CMIP: variants seen among roughly 807,000 people sequenced by gnomAD.
CMIP encodes C-Maf-inducing protein.
In CMIP, 13 loss-of-function variants were observed where a neutral mutation model predicts 97.3. That is an observed-to-expected ratio of 0.13 (90% CI 0.09 to 0.21). The LOEUF is 0.21. CMIP is among the 10% of genes least tolerant of loss of function. CMIP has a pLI of 1.00. For missense variants in CMIP, 847 were observed against 1,024.9 expected (o/e 0.83, Z 2.37); for synonymous variants, 538 against 436.3 (o/e 1.23, Z -2.91).
chr16:81,704,180 A>G, intron 18 of CMIP, 95 bp downstream of exon 18: 1 of 888,704 alleles, frequency 1.1e-6, no homozygotes, highest in Non-Finnish European at 1.6e-6. Context: ...CTTTCCCCTC[A>G]GCCTCCTCCC....
intron 6 of CMIP, among the ~76,000 whole-genome samples, chr16:81,663,450 A>G (rs532164770): frequency 2.6e-5 from 4 of 152,290 alleles, no homozygotes; most frequent in Admixed American, 1.3e-4. Flanking sequence ...GAGAAAGTAA[A>G]ATGATCGGTG....
At chr16:81,561,307 A>C (rs1460444727) in intron 1 of CMIP, among the ~76,000 whole-genome samples, 2 of 152,222 alleles carry the variant, frequency 1.3e-5, no homozygotes, top group Non-Finnish European at 2.9e-5. Flanking sequence ...TTAGAGAAAG[A>C]GGGCAGAGGG....
intron 3 of CMIP, among the ~76,000 whole-genome samples, chr16:81,626,281 CTGTG>C (rs528161376): frequency 3.3e-5 from 5 of 151,520 alleles, no homozygotes; most frequent in African/African-American, 1.2e-4. Flanking sequence ...CTGAGTGTGA[CTGTG>C]TGTTGTGTGG....
At chr16:81,680,273 G>A (rs1555549621) in intron 10 of CMIP, among the ~76,000 whole-genome samples, 1 of 152,242 alleles carries the variant, frequency 6.6e-6, no homozygotes, top group Non-Finnish European at 1.5e-5. Flanking sequence ...TGTATGTGTT[G>A]TGTTGCTCCT....
In CMIP at chr16:81,506,315, A is replaced by G. The variant is rs1343119271; in HGVS notation, c.300+60774A>G. Among the ~76,000 whole-genome samples, 4 of 152,184 alleles carry G rather than the reference A, an allele frequency of 2.6e-5. No individual in the cohort carries two copies. The South Asian group carries it at 6.2e-4, about 24-fold the overall frequency. ...TTTGGGGTCTGAGAAGACAGTAATG[A>G]GCAAGGGCCCCCAGAGAAGTTTTCT... On this transcript the variant is annotated intron_variant, in intron 1 of 20. Transcript: ENST00000537098.
chr16:81,563,971 C>T (rs969936021), intron 1 of CMIP, among the ~76,000 whole-genome samples: 2 of 152,258 alleles, frequency 1.3e-5, no homozygotes. Context: ...GGCCCGTCTT[C>T]CTGGGCTAGA....
chr16:81,568,147 G>A (rs1310252592), intron 1 of CMIP, among the ~76,000 whole-genome samples: 1 of 151,314 alleles, frequency 6.6e-6, no homozygotes, highest in Non-Finnish European at 1.5e-5. Context: ...TGCCTTCTAG[G>A]GCACCTTTGA....
Position 81,691,810 on chromosome 16 carries a change from G to T in CMIP, c.1424G>T (p.Ser475Ile). The T allele has an allele frequency of 6.2e-7, 1 of 1,613,920 alleles. No individual in the cohort carries two copies. The highest frequency in any genetic ancestry group is 2.2e-5 in the East Asian group (1 of 44,890). ...DYDDWRPSLA[S>I]LLQPIPFPKE... ...GATGACTGGAGACCGTCTCTGGCCA[G>T]TTTGCTTCAACCCATTCCATTCCCC... is the stretch of plus-strand genomic sequence containing the variant. The change falls in exon 11 of 21, where the codon AGT becomes ATT. Residue 475 changes from serine (S) to isoleucine (I), a missense_variant. This residue lies in a region of CMIP where 202 missense variants were observed against 168.7 expected (regional missense o/e 1.20). Transcript: ENST00000537098.
intron 1 of CMIP, among the ~76,000 whole-genome samples, chr16:81,448,352 T>C (rs577524262): frequency 6.6e-6 from 1 of 152,256 alleles, no homozygotes; most frequent in East Asian, 1.9e-4. Flanking sequence ...TCTGTTTCCA[T>C]TGATCCAATT....
At chr16:81,672,418 G>A (rs1259899349) in intron 9 of CMIP, among the ~76,000 whole-genome samples, 3 of 152,234 alleles carry the variant, frequency 2.0e-5, no homozygotes, top group Non-Finnish European at 4.4e-5. Context: ...GCAAATGCAT[G>A]TGTGCACTGT....
chr16:81,562,008 C>T (rs1448032728), intron 1 of CMIP, among the ~76,000 whole-genome samples: 1 of 152,130 alleles, frequency 6.6e-6, no homozygotes, highest in East Asian at 1.9e-4. Flanking sequence ...GAGGACATGA[C>T]AGTGGTCGGA....
At chr16:81,460,024 G>C (rs980520046) in intron 1 of CMIP, among the ~76,000 whole-genome samples, 1 of 152,196 alleles carries the variant, frequency 6.6e-6, no homozygotes, top group African/African-American at 2.4e-5. Context: ...TTTCCTTCCT[G>C]TTGTGTGAGG....
At chr16:81,539,010 A>T (rs1217224954) in intron 1 of CMIP, among the ~76,000 whole-genome samples, 1 of 152,212 alleles carries the variant, frequency 6.6e-6, no homozygotes, top group Non-Finnish European at 1.5e-5. Context: ...ATTTATATTC[A>T]TGCACACAGA....
intron 3 of CMIP, among the ~76,000 whole-genome samples, chr16:81,626,504 A>T (rs1452062267): frequency 7.8e-6 from 1 of 128,786 alleles, no homozygotes; most frequent in African/African-American, 3.1e-5. Context: ...GTGTGGGGTG[A>T]CTGAGCATGT....
chr16:81,484,517 C>T (rs1389648997), intron 1 of CMIP, among the ~76,000 whole-genome samples: 4 of 152,142 alleles, frequency 2.6e-5, no homozygotes, highest in African/African-American at 4.8e-5. Context: ...CCAACCTCCC[C>T]GCCCAGTACA....
intron 1 of CMIP, among the ~76,000 whole-genome samples, chr16:81,484,707 C>T (rs745451061): frequency 6.6e-6 from 1 of 152,126 alleles, no homozygotes; most frequent in Non-Finnish European, 1.5e-5. Flanking sequence ...AAACATTGTG[C>T]GCATCCAGTA....
At chr16:81,446,370 A>G (rs1905842663) in intron 1 of CMIP, among the ~76,000 whole-genome samples, 1 of 151,842 alleles carries the variant, frequency 6.6e-6, no homozygotes, top group Non-Finnish European at 1.5e-5. Flanking sequence ...TGTTTCTGAA[A>G]TCAGATCTGC....
At chr16:81,678,141 T>A in intron 9 of CMIP, 134 bp from the exon 10 acceptor site, 1 of 689,070 alleles carries the variant, frequency 1.5e-6, no homozygotes, top group Admixed American at 3.1e-5. Context: ...GTTTCCTCAT[T>A]TGTAGCACAG....
intron 2 of CMIP, among the ~76,000 whole-genome samples, chr16:81,612,899 A>G (rs1597146717): frequency 6.6e-6 from 1 of 152,140 alleles, no homozygotes; most frequent in East Asian, 1.9e-4. Flanking sequence ...GGTTCCAGCC[A>G]TGCCTTATGT....
Sources: allele counts gnomAD v4.1 joint callset (sites outside exome capture counted in the v4.1 genomes callset), GRCh38; gene constraint gnomAD v4.1.1; regional missense constraint gnomAD v4.1.1; transcripts MANE v1.5; gene names NCBI Gene and HGNC (gene_info 2026-07-23, HGNC 2026-07-21).